The following AFF3 variants were observed in gnomAD, a reference collection of about 807,000 sequenced individuals.
AFF3 encodes ALF transcription elongation factor 3.
AFF3 carries 32 observed loss-of-function variants against 129.7 expected under a neutral mutation model. That is an observed-to-expected ratio of 0.25 (90% CI 0.19 to 0.33). The LOEUF (loss-of-function observed/expected upper bound fraction) is 0.33, where lower values mean the gene tolerates loss of function less well. AFF3 is among the 10% of genes least tolerant of loss of function. AFF3 has a pLI of 1.00. For missense variants in AFF3, 1,373 were observed against 1,592.0 expected, an observed-to-expected ratio of 0.86 and a Z score of 2.34; for synonymous variants, 644 against 635.4, an observed-to-expected ratio of 1.01 and a Z score of -0.20.
At chr2:100,018,712 T>A (rs1001719029) in intron 4 of AFF3, among the ~76,000 whole-genome samples, 6 of 151,922 alleles carry the variant, frequency 3.9e-5, no homozygotes, top group African/African-American at 1.4e-4. Flanking sequence ...TGGTAGAATA[T>A]AAAGATGCAG....
intron 7 of AFF3, among the ~76,000 whole-genome samples, chr2:99,844,870 T>C (rs1576167588): frequency 6.6e-6 from 1 of 152,152 alleles, no homozygotes; most frequent in African/African-American, 2.4e-5. Context: ...CATTTACGTG[T>C]TTCTGACCAG....
intron 12 of AFF3, among the ~76,000 whole-genome samples, chr2:99,653,288 G>C (rs1157097126): frequency 6.6e-6 from 1 of 152,218 alleles, no homozygotes; most frequent in Non-Finnish European, 1.5e-5. Context: ...AGCCATGAGA[G>C]ACTGGCTCCT....
At chr2:99,553,022 C>A (rs954802029) in intron 24 of AFF3, among the ~76,000 whole-genome samples, 1 of 152,090 alleles carries the variant, frequency 6.6e-6, no homozygotes, top group African/African-American at 2.4e-5. Context: ...AACCACTGCC[C>A]GCCTTCCAGG....
At chr2:99,925,727 A>G in intron 7 of AFF3, among the ~76,000 whole-genome samples, 1 of 152,222 alleles carries the variant, frequency 6.6e-6, no homozygotes. Context: ...TTCAGAAGTC[A>G]TGTGCAGGTA....
intron 7 of AFF3, among the ~76,000 whole-genome samples, chr2:99,992,684 T>G (rs1258662625): frequency 6.6e-6 from 1 of 152,234 alleles, no homozygotes; most frequent in Non-Finnish European, 1.5e-5. Context: ...AACTAACTAC[T>G]AAACACCTAT....
At chr2:99,932,209 GA>G (rs1157225094) in intron 7 of AFF3, among the ~76,000 whole-genome samples, 1 of 151,710 alleles carries the variant, frequency 6.6e-6, no homozygotes, top group African/African-American at 2.4e-5. Context: ...TTTTTTTTGC[GA>G]TTTTTTTTTA....
chr2:100,067,442 G>T (rs528718087), intron 4 of AFF3, among the ~76,000 whole-genome samples: 1 of 152,260 alleles, frequency 6.6e-6, no homozygotes, highest in South Asian at 2.1e-4. Flanking sequence ...TAAATTAAAA[G>T]AATCCTTTCT....
chr2:100,050,678 G>A (rs763271589), intron 4 of AFF3, among the ~76,000 whole-genome samples: 8 of 152,140 alleles, frequency 5.3e-5, no homozygotes, highest in Non-Finnish European at 1.2e-4. Context: ...GAAAGTAAAC[G>A]TCAGTGCACG....
chr2:99,623,309 C>T (rs1682225543), intron 13 of AFF3, among the ~76,000 whole-genome samples: 1 of 152,110 alleles, frequency 6.6e-6, no homozygotes. Context: ...GATAAAAGTG[C>T]CATCCTAGGC....
At chr2:99,686,057 G>T (rs1170000792) in intron 11 of AFF3, among the ~76,000 whole-genome samples, 2 of 152,106 alleles carry the variant, frequency 1.3e-5, no homozygotes, top group African/African-American at 4.8e-5. Context: ...GGGCTTGGTG[G>T]TGGGTGCCTG....
At chr2:99,599,693 G>T (rs750797445) in intron 14 of AFF3, among the ~76,000 whole-genome samples, 7 of 152,168 alleles carry the variant, frequency 4.6e-5, no homozygotes, top group Non-Finnish European at 8.8e-5. Flanking sequence ...GATCTTCACA[G>T]ACACAAACAG....
chr2:99,581,016 T>G (rs1257202374), intron 17 of AFF3, among the ~76,000 whole-genome samples: 1 of 152,184 alleles, frequency 6.6e-6, no homozygotes, highest in African/African-American at 2.4e-5. Context: ...CTGAAACCAT[T>G]GGTGGTGAAT....
intron 8 of AFF3, among the ~76,000 whole-genome samples, chr2:99,755,487 G>A (rs1197199158): frequency 1.3e-5 from 2 of 152,028 alleles, no homozygotes; most frequent in African/African-American, 2.4e-5. Flanking sequence ...GGCTGGTCTC[G>A]AACTTCCGAC....
intron 13 of AFF3, among the ~76,000 whole-genome samples, chr2:99,638,437 G>T (rs1182810311): frequency 2.0e-5 from 3 of 151,938 alleles, no homozygotes; most frequent in Non-Finnish European, 4.4e-5. Context: ...CAGCGAGGCT[G>T]GGGGACTCCG....
At chr2:99,610,458 T>C (rs1680812875) in intron 13 of AFF3, among the ~76,000 whole-genome samples, 1 of 152,232 alleles carries the variant, frequency 6.6e-6, no homozygotes, top group Admixed American at 6.5e-5. Context: ...GGGCCTTTTT[T>C]CAGTCGACAC....
intron 13 of AFF3, among the ~76,000 whole-genome samples, chr2:99,609,437 A>G (rs1289862988): frequency 2.6e-5 from 4 of 151,222 alleles, no homozygotes; most frequent in Non-Finnish European, 5.9e-5. Flanking sequence ...ATGCCTTTGC[A>G]TCCTCACAGC....
chr2:99,687,006 G>T (rs1402279704), intron 11 of AFF3, among the ~76,000 whole-genome samples: 2 of 152,232 alleles, frequency 1.3e-5, no homozygotes, highest in South Asian at 2.1e-4. Flanking sequence ...TGATGAATAA[G>T]AAATGGTTCC....
intron 2 of AFF3, among the ~76,000 whole-genome samples, chr2:100,128,981 G>A (rs950574960): frequency 2.0e-5 from 3 of 152,146 alleles, no homozygotes; most frequent in Admixed American, 2.0e-4. Context: ...CCAATGGTCA[G>A]GGGGCTCCAG....
intron 8 of AFF3, among the ~76,000 whole-genome samples, chr2:99,775,627 C>T (rs933556818): frequency 1.3e-5 from 2 of 152,004 alleles, no homozygotes; most frequent in Admixed American, 6.6e-5. Flanking sequence ...CACCATGGCA[C>T]ACATTTAACT....
Sources: gnomAD v4.1 joint callset for allele counts (sites outside exome capture counted in the v4.1 genomes callset) on GRCh38, gnomAD v4.1.1 for gene constraint, MANE v1.5 for transcripts, NCBI Gene and HGNC (gene_info 2026-07-23, HGNC 2026-07-21) for gene names.